KCNJ15: variants seen among roughly 807,000 people sequenced by gnomAD.
KCNJ15 encodes potassium inwardly rectifying channel subfamily J member 15.
Under a neutral mutation model 23.0 loss-of-function variants are expected in KCNJ15, and 14 were observed. The ratio of observed to expected loss-of-function variants is 0.61; its 90% CI spans 0.40 to 0.95. KCNJ15 has a LOEUF of 0.95. Ranked by LOEUF, KCNJ15 falls within the 40% of genes least tolerant of loss-of-function variation. The pLI is 0.00. For missense variants in KCNJ15, 388 were observed against 461.8 expected (o/e 0.84, Z 1.46); for synonymous variants, 185 against 183.2 (o/e 1.01, Z -0.08).
chr21:38,248,346 G>T (rs1979595318), intron 1 of KCNJ15, among the ~76,000 whole-genome samples: 1 of 152,178 alleles, frequency 6.6e-6, no homozygotes, highest in Admixed American at 6.5e-5. Flanking sequence ...TAACTAAGTG[G>T]CACAAACTTT....
At chr21:38,234,386 T>G (rs1703389999) in intron 1 of KCNJ15, among the ~76,000 whole-genome samples, 1 of 152,258 alleles carries the variant, frequency 6.6e-6, no homozygotes, top group Non-Finnish European at 1.5e-5. Context: ...TTGTGTCCAA[T>G]TATTCTACAC....
At chr21:38,269,637 C>T (rs1037067592) in intron 1 of KCNJ15, among the ~76,000 whole-genome samples, 2 of 152,120 alleles carry the variant, frequency 1.3e-5, no homozygotes, top group African/African-American at 2.4e-5. Context: ...GAAAAAGCAC[C>T]GACCTCAGTG....
chr21:38,275,881 T>A (rs1462958971), intron 1 of KCNJ15, among the ~76,000 whole-genome samples: 2 of 152,174 alleles, frequency 1.3e-5, no homozygotes, highest in Non-Finnish European at 2.9e-5. Flanking sequence ...ACATGATAAC[T>A]TCTTTGATTT....
intron 1 of KCNJ15, among the ~76,000 whole-genome samples, chr21:38,292,387 T>C (rs1984694118): frequency 1.3e-5 from 2 of 152,170 alleles, no homozygotes; most frequent in Non-Finnish European, 2.9e-5. Context: ...AGTGTGTCTA[T>C]GTGATTACAG....
chr21:38,298,884 A>G (rs1985445803), intron 2 of KCNJ15, among the ~76,000 whole-genome samples: 1 of 152,246 alleles, frequency 6.6e-6, no homozygotes, highest in Non-Finnish European at 1.5e-5. Flanking sequence ...TTTTTGAAAC[A>G]CAAGGCTCTG....
At chr21:38,290,259 G>A (rs186982938) in intron 1 of KCNJ15, among the ~76,000 whole-genome samples, 71 of 152,236 alleles carry the variant, frequency 4.7e-4, no homozygotes, top group Admixed American at 4.3e-3. Flanking sequence ...GAGTACAGAA[G>A]GGTTGATGTT....
At chr21:38,260,927 A>C (rs1475609468) in intron 1 of KCNJ15, among the ~76,000 whole-genome samples, 1 of 152,208 alleles carries the variant, frequency 6.6e-6, no homozygotes, top group African/African-American at 2.4e-5. Context: ...TAGCCTGACC[A>C]GAAGTCACAG....
In KCNJ15 at chr21:38,307,350, A is replaced by C. The variant is rs1215422300; in HGVS notation, c.*6961A>C. 6.6e-6 allele frequency: 1 copy of C among 152,126 alleles called. No individual in the cohort carries two copies. Among genetic ancestry groups the C allele is most frequent in the Admixed American group, 6.5e-5 (1 of 15,280 alleles). The allele number at this position is 152,126 out of a possible 1,614,324, so 9.4% of individuals were successfully genotyped here. On this transcript the variant is annotated 3_prime_UTR_variant, in exon 3 of 3. Coordinates refer to ENST00000398938, the MANE Select transcript of KCNJ15 (RefSeq NM_170736.3). ...GCAAACACTATAAAGCTAATTTTAC[A>C]GTCTTGAGTTTCTTTTTGTTTCACT...
intron 1 of KCNJ15, among the ~76,000 whole-genome samples, chr21:38,257,672 G>GT (rs922635328): frequency 2.0e-5 from 3 of 152,220 alleles, no homozygotes; most frequent in African/African-American, 7.2e-5. Flanking sequence ...GAAAAGTTAT[G>GT]TAAGTTTTCT....
chr21:38,234,379 T>C (rs974554830), intron 1 of KCNJ15, among the ~76,000 whole-genome samples: 1 of 152,246 alleles, frequency 6.6e-6, no homozygotes, highest in Non-Finnish European at 1.5e-5. Flanking sequence ...GACACCCTTG[T>C]GTCCAATTAT....
At chr21:38,298,889 G>C (rs1006898661) in intron 2 of KCNJ15, among the ~76,000 whole-genome samples, 14 of 152,116 alleles carry the variant, frequency 9.2e-5, no homozygotes, top group African/African-American at 2.9e-4. Context: ...GAAACACAAG[G>C]CTCTGTTTTA....
chr21:38,255,693 C>T (rs1980159986), upstream of KCNJ15, among the ~76,000 whole-genome samples: 1 of 152,206 alleles, frequency 6.6e-6, no homozygotes, highest in Non-Finnish European at 1.5e-5. Flanking sequence ...GAAGTCTCAG[C>T]CCTTCCTTCC....
intron 1 of KCNJ15, among the ~76,000 whole-genome samples, chr21:38,288,854 G>A (rs961524876): frequency 6.6e-6 from 1 of 152,148 alleles, no homozygotes; most frequent in African/African-American, 2.4e-5. Flanking sequence ...TACTTCCCAC[G>A]TGTCATCTCC....
At chr21:38,251,714 ATAGCG>A (rs1979850031) in intron 1 of KCNJ15, among the ~76,000 whole-genome samples, 1 of 152,204 alleles carries the variant, frequency 6.6e-6, no homozygotes, top group Non-Finnish European at 1.5e-5. Context: ...ACACAGAGGA[ATAGCG>A]TGACCCATCA....
upstream of KCNJ15, among the ~76,000 whole-genome samples, chr21:38,256,530 C>G (rs13433471): frequency 0.15 from 22,081 of 151,174 alleles, 2,126 homozygotes; most frequent in East Asian, 0.4. Flanking sequence ...CACCAGGAGG[C>G]AAGAGATTTT....
chr21:38,295,699 T>C (rs950546579), intron 1 of KCNJ15, among the ~76,000 whole-genome samples: 2 of 152,190 alleles, frequency 1.3e-5, no homozygotes, highest in African/African-American at 4.8e-5. Context: ...ACTAAGGGAA[T>C]ATAACCTAAG....
At chr21:38,266,938 G>C (rs1981526416) in intron 1 of KCNJ15, among the ~76,000 whole-genome samples, 1 of 152,182 alleles carries the variant, frequency 6.6e-6, no homozygotes, top group Non-Finnish European at 1.5e-5. Flanking sequence ...GCAATGAGAA[G>C]TCATTGAATA....
intron 1 of KCNJ15, chr21:38,238,617 G>A (rs2123548639): frequency 3.3e-6 from 2 of 601,316 alleles, no homozygotes; most frequent in African/African-American, 1.9e-5. Flanking sequence ...TCGTGAAGCT[G>A]TGCAACCAGA....
chr21:38,299,780 G>A lies in KCNJ15; in HGVS notation c.519G>A (p.Lys173=), dbSNP rs765908603. The A allele has an allele frequency of 1.9e-5, 31 of 1,613,946 alleles. No individual in the cohort carries two copies. In the Middle Eastern group the frequency reaches 4.9e-4, roughly 26 times the overall value. ...TFLAKIARPK[K]RAETIKFSHC... is the part of the protein sequence containing the mutation. ...TGGCCAAAATCGCCAGACCCAAAAA[G>A]CGGGCTGAGACCATCAAGTTCAGCC... The change falls in exon 3 of 3, where the codon AAG becomes AAA. Residue 173 remains lysine (K), a synonymous_variant. Coordinates refer to ENST00000398938, the MANE Select transcript of KCNJ15 (RefSeq NM_170736.3). The surrounding 1 kb of genome is among the most constrained non-coding windows in gnomAD (Gnocchi z 4.5).
Sources: allele counts gnomAD v4.1 joint callset (sites outside exome capture counted in the v4.1 genomes callset), GRCh38; gene constraint gnomAD v4.1.1; non-coding constraint Gnocchi (gnomAD v3.1); transcripts MANE v1.5; gene names NCBI Gene and HGNC (gene_info 2026-07-23, HGNC 2026-07-21).